ESCO1: variants seen among roughly 807,000 people sequenced by gnomAD.
ESCO1 encodes establishment of sister chromatid cohesion N-acetyltransferase 1.
In ESCO1, 33 loss-of-function variants were observed where a neutral mutation model predicts 83.5. The ratio of observed to expected loss-of-function variants is 0.40; its 90% CI spans 0.30 to 0.53. ESCO1 has a LOEUF of 0.53. ESCO1 is among the 20% of genes least tolerant of loss of function. ESCO1 has a pLI of 0.63. For missense variants in ESCO1, 855 were observed against 968.0 expected (o/e 0.88, Z 1.55); for synonymous variants, 332 against 324.3 (o/e 1.02, Z -0.25).
intron 2 of ESCO1, among the ~76,000 whole-genome samples, chr18:21,583,937 T>C (rs1434421655): frequency 6.6e-6 from 1 of 152,154 alleles, no homozygotes; most frequent in Non-Finnish European, 1.5e-5. Flanking sequence ...AGAAACATTA[T>C]TAAACCAAAA....
At position 21,575,007 on chromosome 18, in the gene ESCO1, A is replaced by C; in HGVS notation, c.-164T>G. On this transcript the variant is annotated 5_prime_UTR_variant, in exon 4 of 12. Transcript: ENST00000269214. ...TCAACAAAAATACTAGTTTGCTTCA[A>C]GTAAGGTTTCTGTCATTCCTAGAAC... 1 of 533,794 alleles carries C rather than the reference A, an allele frequency of 1.9e-6. No individual in the cohort carries two copies. 33.1% of individuals were successfully genotyped at this position (533,794 alleles called of 1,614,324 possible). A position where few individuals can be genotyped will look rare whatever the true frequency, so the allele number is the denominator to read the frequency against.
At chr18:21,582,017 G>C (rs1488669363) in intron 2 of ESCO1, among the ~76,000 whole-genome samples, 3 of 152,066 alleles carry the variant, frequency 2.0e-5, no homozygotes, top group Non-Finnish European at 4.4e-5. Context: ...GAGCCTGGGA[G>C]ATCAAGGCTT....
intron 6 of ESCO1, among the ~76,000 whole-genome samples, chr18:21,565,054 G>A (rs559270261): frequency 1.4e-4 from 22 of 151,980 alleles, no homozygotes; most frequent in Admixed American, 1.0e-3. Flanking sequence ...CCAGCCTGGC[G>A]ACAGAGCGAG....
chr18:21,567,793 T>C (rs775301644), intron 5 of ESCO1, among the ~76,000 whole-genome samples, 187 bp downstream of exon 5: 13 of 152,184 alleles, frequency 8.5e-5, no homozygotes, highest in Admixed American at 2.0e-4. Flanking sequence ...TTAGGTACTT[T>C]AAACAAACCA....
At chr18:21,589,314 C>T (rs1024138772) in intron 1 of ESCO1, among the ~76,000 whole-genome samples, 2 of 152,058 alleles carry the variant, frequency 1.3e-5, no homozygotes, top group African/African-American at 2.4e-5. Context: ...TAGCCACTTT[C>T]CCCCTCCAAG....
Position 21,574,518 on chromosome 18 carries a change from T to G in ESCO1, c.326A>C (p.His109Pro). ...CTGTTCATTTGCTTTAGGGTTTTCATGTACTAATTTTTTCTGAGATAATTT... is the reference window on the plus strand; with the variant it reads ...CTGTTCATTTGCTTTAGGGTTTTCAGGTACTAATTTTTTCTGAGATAATTT... ...KKKLSQKKLV[H>P]ENPKANEQLN... The change falls in exon 4 of 12, where the codon CAT (histidine) becomes CCT (proline). Residue 109 changes from histidine (H) to proline (P), a missense_variant. Coordinates refer to ENST00000269214, the MANE Select transcript of ESCO1 (RefSeq NM_052911.3). 1 of 1,613,914 alleles carries G rather than the reference T, an allele frequency of 6.2e-7. No individual in the cohort carries two copies. The highest frequency in any genetic ancestry group is 8.5e-7 in the Non-Finnish European group (1 of 1,179,968).
intron 1 of ESCO1, among the ~76,000 whole-genome samples, chr18:21,593,839 T>C (rs180762461): frequency 2.0e-4 from 30 of 151,042 alleles, no homozygotes; most frequent in Admixed American, 1.4e-3. Flanking sequence ...CTTAGACAAT[T>C]CAGTTATATC....
chr18:21,550,330 T>C (rs2038029772), intron 8 of ESCO1, among the ~76,000 whole-genome samples: 3 of 152,208 alleles, frequency 2.0e-5, no homozygotes, highest in African/African-American at 7.2e-5. Context: ...CCCAATTACG[T>C]TGATTAAGTG....
rs767120167 is a variant in ESCO1 at position 21,573,889 on chromosome 18, C to T, written c.955G>A (p.Val319Ile). Residue 319 changes from valine (V) to isoleucine (I), a missense_variant, in exon 4 of 12, where the codon GTA becomes ATA. Val to Ile is a conservative substitution (Grantham distance 29, BLOSUM62 3). This residue lies in a region of ESCO1 where 726 missense variants were observed against 699.5 expected (regional missense o/e 1.04). Transcript: ENST00000269214. ...EIAGEIESDN[V>I]EVKKESSQME... ...TGTGAAGATTCCTTTTTTACCTCTACATTATCTGACTCAATTTCACCAGCA... is the reference window on the plus strand; with the variant it reads ...TGTGAAGATTCCTTTTTTACCTCTATATTATCTGACTCAATTTCACCAGCA... 6.2e-7 allele frequency: 1 copy of T among 1,613,912 alleles called. No individual in the cohort carries two copies. The highest frequency in any genetic ancestry group is 1.7e-5 in the Admixed American group (1 of 59,962).
chr18:21,540,139 T>C, intron 8 of ESCO1, 130 bp from the exon 9 acceptor site: 1 of 763,720 alleles, frequency 1.3e-6, no homozygotes, highest in Non-Finnish European at 2.1e-6. Context: ...GAAAAATATA[T>C]GCTCATTAAT....
chr18:21,567,907 T>C (rs984887740), intron 5 of ESCO1, 73 bp downstream of exon 5: 3 of 1,121,398 alleles, frequency 2.7e-6, no homozygotes, highest in Non-Finnish European at 3.9e-6. Flanking sequence ...ATTTGGTATA[T>C]AACATTTTCT....
intron 1 of ESCO1, among the ~76,000 whole-genome samples, chr18:21,591,255 T>A (rs2038663432): frequency 6.6e-6 from 1 of 152,104 alleles, no homozygotes; most frequent in Non-Finnish European, 1.5e-5. Flanking sequence ...GAAAATAATA[T>A]GAAAATGATG....
chr18:21,537,024 G>C (rs1206212679), intron 9 of ESCO1, among the ~76,000 whole-genome samples: 1 of 152,104 alleles, frequency 6.6e-6, no homozygotes, highest in East Asian at 1.9e-4. Context: ...ACATATGGAA[G>C]AAATAATACT....
At chr18:21,546,794 G>A (rs865887481) in intron 8 of ESCO1, among the ~76,000 whole-genome samples, 9 of 152,030 alleles carry the variant, frequency 5.9e-5, no homozygotes, top group Admixed American at 2.0e-4. Context: ...TGATCCTCCC[G>A]CCCTGGCCTC....
intron 1 of ESCO1, among the ~76,000 whole-genome samples, chr18:21,588,753 C>T (rs2038618484): frequency 2.6e-5 from 4 of 151,916 alleles, no homozygotes; most frequent in African/African-American, 9.7e-5. Flanking sequence ...CCTATCTCTA[C>T]AAAAAATACA....
Position 21,574,634 on chromosome 18 carries a change from T to C in ESCO1, c.210A>G (p.Ser70=). The change falls in exon 4 of 12, where the codon TCA becomes TCG. Residue 70 remains serine, a synonymous_variant. Transcript: ENST00000269214. ...PELETRMSTR[S]SKAASNDKAT... is the part of the protein sequence containing the mutation. ...CTTTATCATTAGATGCTGCCTTTGATGACCTTGTACTCATGCGTGTTTCCA... is the reference window on the plus strand; with the variant it reads ...CTTTATCATTAGATGCTGCCTTTGACGACCTTGTACTCATGCGTGTTTCCA... 6.2e-7 allele frequency: 1 copy of C among 1,614,072 alleles called. No homozygotes were observed.
intron 9 of ESCO1, among the ~76,000 whole-genome samples, chr18:21,537,041 T>A (rs1465036090): frequency 6.6e-6 from 1 of 152,120 alleles, no homozygotes; most frequent in Non-Finnish European, 1.5e-5. Context: ...TACTCAAAAG[T>A]TAAAGAACTT....
rs760092411 is a variant in ESCO1 at position 21,574,038 on chromosome 18, T to C, written c.806A>G (p.Gln269Arg). 1.2e-6 allele frequency: 2 copies of C among 1,613,018 alleles called. No homozygotes were observed. Among genetic ancestry groups the C allele is most frequent in the African/African-American group, 2.7e-5 (2 of 74,898 alleles). Residue 269 changes from glutamine (Q) to arginine (R), a missense_variant, in exon 4 of 12, where the codon CAA becomes CGA. Gln to Arg is a conservative substitution (Grantham distance 43). Coordinates refer to ENST00000269214, the MANE Select transcript of ESCO1 (RefSeq NM_052911.3). The stretch of plus-strand genomic sequence containing the variant: ...TGGGAGTGTTGTGTTAGTATTCACT[T>C]GTGTATGAACCGACTTCTTCATCTC... ...KNEMKKSVHT[Q>R]VNTNTTLPKS... is the part of the protein sequence containing the mutation.
chr18:21,536,069 G>A lies in ESCO1; in HGVS notation c.2160C>T (p.Gly720=), dbSNP rs769195779. ...ATTGGATATGTTCCGCAATTAGGCA[G>A]CCAACTACTTTTTTGTCATTGGAAA... is the stretch of plus-strand genomic sequence containing the variant. The part of the protein sequence containing the change: ...LFISNDKKVV[G]CLIAEHIQWG... The change falls in exon 10 of 12, where the codon GGC becomes GGT. Residue 720 remains glycine (G), a synonymous_variant. Coordinates refer to ENST00000269214, the MANE Select transcript of ESCO1 (RefSeq NM_052911.3). 8 of 1,613,938 alleles carry A rather than the reference G, an allele frequency of 5.0e-6. No homozygotes were observed. The African/African-American group carries it at 8.0e-5, about 16-fold the overall frequency.
Sources: gnomAD v4.1 joint callset for allele counts (sites outside exome capture counted in the v4.1 genomes callset) on GRCh38, gnomAD v4.1.1 for gene constraint, gnomAD v4.1.1 regional missense constraint, MANE v1.5 for transcripts, NCBI Gene and HGNC (gene_info 2026-07-23, HGNC 2026-07-21) for gene names.